The following KCTD19 variants were observed in gnomAD, a reference collection of about 807,000 sequenced individuals.
KCTD19 encodes BTB/POZ domain-containing protein KCTD19.
A neutral mutation model predicts 103.5 loss-of-function variants in KCTD19; 67 were observed. That is an observed-to-expected ratio of 0.65 (90% CI 0.53 to 0.79). The LOEUF (loss-of-function observed/expected upper bound fraction) is 0.79. Ranked by LOEUF, KCTD19 falls within the 30% of genes least tolerant of loss-of-function variation. KCTD19 has a pLI of 0.00. For synonymous variants in KCTD19, 439 were observed against 452.2 expected, an observed-to-expected ratio of 0.97 and a Z score of 0.37; for missense variants, 980 against 1,136.1, an observed-to-expected ratio of 0.86 and a Z score of 1.98.
intron 2 of KCTD19, among the ~76,000 whole-genome samples, chr16:67,310,972 G>C (rs913824081): frequency 2.0e-5 from 3 of 152,154 alleles, no homozygotes; most frequent in Admixed American, 6.5e-5. Flanking sequence ...CGCAGCTTTC[G>C]GCATTTAAAA....
chr16:67,299,066 T>A (rs191460397), intron 6 of KCTD19, among the ~76,000 whole-genome samples: 1 of 152,348 alleles, frequency 6.6e-6, no homozygotes, highest in Admixed American at 6.5e-5. Context: ...TGTGGCCTGG[T>A]CACCTCAGAC....
intron 2 of KCTD19, chr16:67,305,580 C>A: frequency 2.2e-6 from 1 of 455,766 alleles, no homozygotes. Flanking sequence ...TCGTGCCGCC[C>A]TTACCCAGGG....
At chr16:67,296,077 G>A in intron 8 of KCTD19, 82 bp downstream of exon 8, 1 of 838,184 alleles carries the variant, frequency 1.2e-6, no homozygotes, top group Non-Finnish European at 2.1e-6. Flanking sequence ...GCTGGAAGCT[G>A]TGTGAGGGCC....
chr16:67,314,816 TATATATATATATATAG>T lies in KCTD19; in HGVS notation c.300+5757_300+5772del, dbSNP rs1229144189. ...ACTTAGCATTATATATATATATATA[TATATATATATATATAG>T]AGAGAGAGAGAGAGAGAGAGAGAGA... On this transcript the variant is annotated intron_variant, in intron 2 of 15. Transcript: ENST00000304372. 6.7e-4 allele frequency among the ~76,000 whole-genome samples: 69 copies of T among 103,742 alleles called. No individual in the cohort carries two copies. In the East Asian group the frequency reaches 9.1e-3, roughly 14 times the overall value. 68.1% of individuals were successfully genotyped at this position (103,742 alleles called of 152,430 possible). A position where few individuals can be genotyped will look rare whatever the true frequency, so the allele number is the denominator to read the frequency against.
chr16:67,290,835 G>A, intron 15 of KCTD19, 50 bp downstream of exon 15: 1 of 1,496,224 alleles, frequency 6.7e-7, no homozygotes, highest in Non-Finnish European at 9.1e-7. Context: ...ACGTCCATCT[G>A]AGGCATCCAC....
At chr16:67,305,894 CTG>C (rs906682901) in intron 2 of KCTD19, among the ~76,000 whole-genome samples, 3 of 152,180 alleles carry the variant, frequency 2.0e-5, no homozygotes, top group African/African-American at 7.2e-5. Flanking sequence ...AAGCTATAAA[CTG>C]TGCCCGCATA....
In KCTD19 at chr16:67,291,001, C is replaced by T; in HGVS notation, c.2566-15G>A. 2 of 1,612,932 alleles carry T rather than the reference C, an allele frequency of 1.2e-6. No individual in the cohort carries two copies. Among genetic ancestry groups the T allele is most frequent in the Non-Finnish European group, 1.7e-6 (2 of 1,179,362 alleles). ...ATGTGCAGGGTCTGCCAGGAGAGCC[C>T]ACAGTCAGGCAGTGCTAGGGCAGCT... is the stretch of plus-strand genomic sequence containing the variant. On this transcript the variant is annotated splice_polypyrimidine_tract_variant and intron_variant, in intron 14 of 15. Coordinates refer to ENST00000304372, the MANE Select transcript of KCTD19 (RefSeq NM_001100915.3).
chr16:67,311,091 G>T (rs1031832025), intron 2 of KCTD19, among the ~76,000 whole-genome samples: 1 of 152,204 alleles, frequency 6.6e-6, no homozygotes, highest in East Asian at 1.9e-4. Context: ...GCAAATGCCA[G>T]GTACTGTGAG....
At chr16:67,290,214 G>C (rs1175479808) in intron 15 of KCTD19, among the ~76,000 whole-genome samples, 1 of 108,318 alleles carries the variant, frequency 9.2e-6, no homozygotes. Context: ...GTCTCGCTCT[G>C]TCACCCAGGC....
rs1243057987 is a variant in KCTD19 at position 67,294,052 on chromosome 16, G to T, written c.1710C>A (p.Pro570=). The T allele has an allele frequency of 1.9e-6, 3 of 1,614,104 alleles. No homozygotes were observed. Among genetic ancestry groups the T allele is most frequent in the African/African-American group, 1.3e-5 (1 of 74,944 alleles). Reference sequence around the variant, plus strand: ...CATTTCGGCATAGGGACACCTGGATGGGCCGAGTGTACTGCTCAGCCTCAT... The same window carrying T: ...CATTTCGGCATAGGGACACCTGGATTGGCCGAGTGTACTGCTCAGCCTCAT... ...QMDEAEQYTR[P]IQVSLCRNAK... is the part of the protein sequence containing the mutation. The change falls in exon 12 of 16, where the codon CCC becomes CCA. Residue 570 remains proline, a synonymous_variant. Coordinates refer to ENST00000304372, the MANE Select transcript of KCTD19 (RefSeq NM_001100915.3).
chr16:67,295,151 C>T lies in KCTD19; in HGVS notation c.1392-95G>A, dbSNP rs560827128. The T allele has an allele frequency of 1.1e-4, 176 of 1,562,190 alleles. 2 individuals carry two copies. The South Asian group carries it at 1.8e-3, about 16-fold the overall frequency. On this transcript the variant is annotated intron_variant, in intron 9 of 15. Transcript: ENST00000304372. ...GAACTGCCGCTGCCAACAGTTCCCACGATGGAAATAAAATAACCTCCTCCC... is the reference window on the plus strand; with the variant it reads ...GAACTGCCGCTGCCAACAGTTCCCATGATGGAAATAAAATAACCTCCTCCC...
In KCTD19 at chr16:67,323,615, C is replaced by G. The variant is rs1468343756; in HGVS notation, c.4-2730G>C. ...ATTATGCCAAGGGAAAGAAGCCAAA[C>G]AAAAAATCACATATGATTCCATCCA... On this transcript the variant is annotated intron_variant, in intron 1 of 15. Coordinates refer to ENST00000304372, the MANE Select transcript of KCTD19 (RefSeq NM_001100915.3). This position sits in a 1 kb window ranked among gnomAD's most constrained non-coding sequence, Gnocchi z 4.1. Among the ~76,000 whole-genome samples the G allele has an allele frequency of 6.6e-6, 1 of 152,098 alleles. No homozygotes were observed. The highest frequency in any genetic ancestry group is 1.5e-5 in the Non-Finnish European group (1 of 67,996).
At chr16:67,311,478 G>A (rs553465505) in intron 2 of KCTD19, among the ~76,000 whole-genome samples, 2 of 151,864 alleles carry the variant, frequency 1.3e-5, no homozygotes, top group African/African-American at 2.4e-5. Context: ...AATTTTTGTA[G>A]TTTTAGTAGA....
chr16:67,302,790 C>G, intron 4 of KCTD19: 1 of 246,162 alleles, frequency 4.1e-6, no homozygotes, highest in Non-Finnish European at 7.7e-6. Flanking sequence ...GAACTGAGGC[C>G]GGAAGACCAG....
rs2037010317 is a variant in KCTD19 at position 67,316,062 on chromosome 16, G to C, written c.300+4527C>G. ...TTTCTTATTTATTTAAGTATTTATT[G>C]ACAAGGTCTAGCTCTGTCACCCTGG... is the stretch of plus-strand genomic sequence containing the variant. On this transcript the variant is annotated intron_variant, in intron 2 of 15. Transcript: ENST00000304372. 3.9e-5 allele frequency among the ~76,000 whole-genome samples: 6 copies of C among 152,032 alleles called. No individual in the cohort carries two copies. The South Asian group carries it at 1.0e-3, about 26-fold the overall frequency.
rs1218848723 is a variant in KCTD19 at position 67,293,756 on chromosome 16, T to C, written c.2006A>G (p.Gln669Arg). Reference sequence around the variant, plus strand: ...AGCAGCCTCGCTTCCCAAGGGGAGCTGCAGGGTGGCCTCCTCCAAGGGGCT... The same window carrying C: ...AGCAGCCTCGCTTCCCAAGGGGAGCCGCAGGGTGGCCTCCTCCAAGGGGCT... ...RSSPLEEATLQLPLGSEAASQ... is the reference protein window; with the variant it reads ...RSSPLEEATLRLPLGSEAASQ... The change falls in exon 12 of 16, where the codon CAG becomes CGG. Residue 669 changes from glutamine to arginine, a missense_variant. Coordinates refer to ENST00000304372, the MANE Select transcript of KCTD19 (RefSeq NM_001100915.3). This position sits in a 1 kb window ranked among gnomAD's most constrained non-coding sequence, Gnocchi z 4.0. 2.5e-6 allele frequency: 4 copies of C among 1,613,996 alleles called. No homozygotes were observed. The South Asian group carries it at 4.4e-5, about 18-fold the overall frequency.
At chr16:67,309,129 A>G (rs1237118892) in intron 2 of KCTD19, among the ~76,000 whole-genome samples, 1 of 89,060 alleles carries the variant, frequency 1.1e-5, no homozygotes, top group East Asian at 2.4e-4. Context: ...ACTTCAGCTC[A>G]AAAAAAAAAA....
chr16:67,290,515 G>C (rs1006415905), intron 15 of KCTD19, among the ~76,000 whole-genome samples: 4 of 152,174 alleles, frequency 2.6e-5, no homozygotes, highest in African/African-American at 9.7e-5. Flanking sequence ...TGAAAGGAAT[G>C]TACACAATTG....
intron 1 of KCTD19, among the ~76,000 whole-genome samples, chr16:67,325,207 CTTTT>C (rs10695930): frequency 1.8e-5 from 2 of 113,168 alleles, no homozygotes; most frequent in Non-Finnish European, 1.8e-5. Flanking sequence ...TTCTTTTTTT[CTTTT>C]TTTTTTTTTT....
Sources: allele counts gnomAD v4.1 joint callset (sites outside exome capture counted in the v4.1 genomes callset), GRCh38; gene constraint gnomAD v4.1.1; non-coding constraint Gnocchi (gnomAD v3.1); transcripts MANE v1.5; gene names NCBI Gene and HGNC (gene_info 2026-07-23, HGNC 2026-07-21).